RSU1: variants seen among roughly 807,000 people sequenced by gnomAD.
The protein encoded by RSU1 is Ras suppressor protein 1.
A neutral mutation model predicts 31.1 loss-of-function variants in RSU1; 26 were observed. The observed-to-expected ratio is 0.84, with a 90% confidence interval of 0.61 to 1.16. RSU1 has a LOEUF of 1.16. Ranked by LOEUF, RSU1 falls within the 50% of genes most tolerant of loss-of-function variation. RSU1 has a pLI of 0.00. For synonymous variants in RSU1, 164 were observed against 136.3 expected, an observed-to-expected ratio of 1.20 and a Z score of -1.41; for missense variants, 320 against 339.1, an observed-to-expected ratio of 0.94 and a Z score of 0.44.
chr10:16,685,001 A>G (rs1835412955), intron 8 of RSU1, among the ~76,000 whole-genome samples: 1 of 152,064 alleles, frequency 6.6e-6, no homozygotes, highest in Non-Finnish European at 1.5e-5. Flanking sequence ...TAATCCCAGG[A>G]CTTTGGGAGG....
intron 2 of RSU1, among the ~76,000 whole-genome samples, chr10:16,810,574 T>G (rs1250275189): frequency 6.6e-6 from 1 of 152,142 alleles, no homozygotes; most frequent in Non-Finnish European, 1.5e-5. Context: ...TCCTGGGAAT[T>G]CTGACTCAGG....
At chr10:16,661,247 A>G (rs1402759225) in intron 8 of RSU1, among the ~76,000 whole-genome samples, 1 of 140,890 alleles carries the variant, frequency 7.1e-6, no homozygotes, top group African/African-American at 2.6e-5. Flanking sequence ...GTAATTTTTC[A>G]TTGCTTCCCT....
intron 3 of RSU1, among the ~76,000 whole-genome samples, chr10:16,774,047 T>A (rs1837478214): frequency 6.6e-6 from 1 of 151,270 alleles, no homozygotes; most frequent in African/African-American, 2.4e-5. Context: ...TTTTGGTCTA[T>A]GAGGCTGACT....
At chr10:16,697,294 A>T (rs368565958) in intron 7 of RSU1, among the ~76,000 whole-genome samples, 9 of 152,216 alleles carry the variant, frequency 5.9e-5, no homozygotes, top group Non-Finnish European at 1.0e-4. Flanking sequence ...TCATGCCTCT[A>T]ATCTCTGCCC....
At chr10:16,794,557 T>C (rs1382633270) in intron 2 of RSU1, among the ~76,000 whole-genome samples, 1 of 152,256 alleles carries the variant, frequency 6.6e-6, no homozygotes, top group Non-Finnish European at 1.5e-5. Flanking sequence ...TTATAGAATG[T>C]TGGAGCCAAA....
chr10:16,601,956 C>A (rs577545009), intron 8 of RSU1, among the ~76,000 whole-genome samples: 2 of 152,264 alleles, frequency 1.3e-5, no homozygotes, highest in African/African-American at 4.8e-5. Flanking sequence ...ATCAGGTTGC[C>A]TTGGGCTCAC....
intron 7 of RSU1, among the ~76,000 whole-genome samples, chr10:16,702,559 T>C (rs1181010547): frequency 6.6e-6 from 1 of 152,230 alleles, no homozygotes; most frequent in African/African-American, 2.4e-5. Flanking sequence ...TCTTAAGATT[T>C]AATGACTGCC....
Position 16,734,997 on chromosome 10 carries a change from C to T in RSU1, c.598+17542G>A, listed in dbSNP as rs150248822. 6.9e-3 allele frequency among the ~76,000 whole-genome samples: 1,044 copies of T among 152,218 alleles called. 11 individuals are homozygous for T. The highest frequency in any genetic ancestry group is 0.022 in the South Asian group (107 of 4,818). ...CCACCCACAAGCCAAGGAGTGAGGT[C>T]TAGAAAAAATCATTCCCTTAAACCC... On this transcript the variant is annotated intron_variant, in intron 7 of 8. Coordinates refer to ENST00000345264, the MANE Select transcript of RSU1 (RefSeq NM_012425.4).
chr10:16,722,526 T>A (rs576720536), intron 7 of RSU1, among the ~76,000 whole-genome samples: 15 of 152,058 alleles, frequency 9.9e-5, no homozygotes, highest in African/African-American at 3.6e-4. Flanking sequence ...AAAGTGAAAA[T>A]ATCCACCAAG....
chr10:16,682,748 G>A (rs1056705203), intron 8 of RSU1, among the ~76,000 whole-genome samples: 4 of 152,014 alleles, frequency 2.6e-5, no homozygotes, highest in Non-Finnish European at 5.9e-5. Context: ...ACCCTCTCTT[G>A]GGGTCTGGAT....
intron 8 of RSU1, among the ~76,000 whole-genome samples, chr10:16,596,951 G>C (rs1235602407): frequency 6.6e-6 from 1 of 152,174 alleles, no homozygotes; most frequent in African/African-American, 2.4e-5. Context: ...TCAAACTCCT[G>C]ACCTCAAACG....
intron 8 of RSU1, among the ~76,000 whole-genome samples, chr10:16,671,630 T>G (rs763360036): frequency 2.3e-4 from 35 of 151,752 alleles, no homozygotes; most frequent in Non-Finnish European, 4.6e-4. Flanking sequence ...TGTTTTTTTT[T>G]GTTTGTTTGT....
intron 8 of RSU1, among the ~76,000 whole-genome samples, chr10:16,638,303 T>G (rs1485329899): frequency 2.0e-5 from 3 of 152,180 alleles, no homozygotes; most frequent in Admixed American, 2.0e-4. Context: ...ATGCCTTTTT[T>G]TCGCGCGCAT....
chr10:16,816,186 C>T (rs1838526583), intron 2 of RSU1, among the ~76,000 whole-genome samples: 1 of 152,156 alleles, frequency 6.6e-6, no homozygotes, highest in African/African-American at 2.4e-5. Context: ...AATATAGAAT[C>T]TTGGTTCCTT....
intron 8 of RSU1, among the ~76,000 whole-genome samples, chr10:16,616,371 C>CA (rs529296931): frequency 0.056 from 4,909 of 87,726 alleles, 19 homozygotes; most frequent in Non-Finnish European, 0.085. Context: ...GCCTACCAAC[C>CA]AAAAAAAAAA....
intron 3 of RSU1, among the ~76,000 whole-genome samples, chr10:16,775,122 C>A (rs1837500422): frequency 6.6e-6 from 1 of 152,190 alleles, no homozygotes. Context: ...AGTGTATCTC[C>A]TCTATCATTC....
At chr10:16,792,958 C>A (rs536586581) in intron 2 of RSU1, among the ~76,000 whole-genome samples, 1 of 152,318 alleles carries the variant, frequency 6.6e-6, no homozygotes, top group Non-Finnish European at 1.5e-5. Context: ...CTGCCCATGT[C>A]GCATGGCTGA....
At chr10:16,789,572 T>C (rs1837869612) in intron 2 of RSU1, among the ~76,000 whole-genome samples, 1 of 152,114 alleles carries the variant, frequency 6.6e-6, no homozygotes, top group Non-Finnish European at 1.5e-5. Flanking sequence ...ACTGAGCTGT[T>C]AGAAAAGAAG....
intron 7 of RSU1, among the ~76,000 whole-genome samples, 186 bp from the exon 8 acceptor site, chr10:16,695,341 C>T (rs1353124182): frequency 6.6e-6 from 1 of 151,824 alleles, no homozygotes; most frequent in African/African-American, 2.4e-5. Context: ...AGTACCTTGG[C>T]CCCAGAAATT....
Sources: gnomAD v4.1 joint callset for allele counts (sites outside exome capture counted in the v4.1 genomes callset) on GRCh38, gnomAD v4.1.1 for gene constraint, MANE v1.5 for transcripts, NCBI Gene and HGNC (gene_info 2026-07-23, HGNC 2026-07-21) for gene names.